The following ACSL3 variants were observed in gnomAD, a reference collection of about 807,000 sequenced individuals.
ACSL3 encodes the protein acyl-CoA synthetase long chain family member 3, also known as fatty acid CoA ligase Acsl3.
ACSL3 carries 34 observed loss-of-function variants against 84.7 expected under a neutral mutation model. The ratio of observed to expected loss-of-function variants is 0.40; its 90% CI spans 0.31 to 0.53. The LOEUF is 0.53. Ranked by LOEUF, ACSL3 falls within the 20% of genes least tolerant of loss-of-function variation. ACSL3 has a pLI of 0.48. For synonymous variants in ACSL3, 315 were observed against 299.4 expected, an observed-to-expected ratio of 1.05 and a Z score of -0.54; for missense variants, 680 against 873.1, an observed-to-expected ratio of 0.78 and a Z score of 2.79.
At chr2:222,919,277 A>T in intron 7 of ACSL3, 75 bp downstream of exon 7, 2 of 1,552,156 alleles carry the variant, frequency 1.3e-6, no homozygotes, top group Non-Finnish European at 1.7e-6. Context: ...CAAAGTTTTG[A>T]TTCTGAGGTT....
chr2:222,882,978 A>C (rs1695628568), intron 1 of ACSL3, among the ~76,000 whole-genome samples: 1 of 96,240 alleles, frequency 1.0e-5, no homozygotes, highest in African/African-American at 4.2e-5. Flanking sequence ...TGTGTTAGCC[A>C]GGATGGGCTC....
chr2:222,911,960 G>C (rs1559293246), intron 4 of ACSL3, among the ~76,000 whole-genome samples: 1 of 152,186 alleles, frequency 6.6e-6, no homozygotes, highest in African/African-American at 2.4e-5. Flanking sequence ...TATTTAGTTA[G>C]TAAAAGGAGG....
chr2:222,874,685 A>T (rs72955325), intron 1 of ACSL3, among the ~76,000 whole-genome samples: 13,300 of 152,158 alleles, frequency 0.087, 704 homozygotes, highest in Non-Finnish European at 0.12. Context: ...AAAAAAAAAA[A>T]AATTAGCAAC....
At chr2:222,873,014 T>C (rs1467809552) in intron 1 of ACSL3, among the ~76,000 whole-genome samples, 1 of 152,170 alleles carries the variant, frequency 6.6e-6, no homozygotes, top group Non-Finnish European at 1.5e-5. Flanking sequence ...GAGAGTAGAC[T>C]GGGAAGATGA....
intron 14 of ACSL3, among the ~76,000 whole-genome samples, chr2:222,932,469 C>T (rs531019155): frequency 2.0e-5 from 3 of 152,242 alleles, no homozygotes; most frequent in East Asian, 3.9e-4. Flanking sequence ...GCTGGGATTA[C>T]AGGTGTGCAC....
chr2:222,939,431 T>C (rs895692755), intron 16 of ACSL3, among the ~76,000 whole-genome samples: 3 of 152,192 alleles, frequency 2.0e-5, no homozygotes, highest in Admixed American at 6.5e-5. Flanking sequence ...TCACTGGTGC[T>C]GTAGTTGGCC....
In ACSL3 at chr2:222,941,680, T is replaced by A; in HGVS notation, c.*26T>A. On this transcript the variant is annotated 3_prime_UTR_variant, in exon 17 of 17. Transcript: ENST00000357430. ...TTATTCTCTTCTGGCATCAGTTTGC[T>A]ACAGTGAGCTCAGATCAAATAGGAA... is the stretch of plus-strand genomic sequence containing the variant. The A allele has an allele frequency of 6.2e-7, 1 of 1,602,548 alleles. No homozygotes were observed. Among genetic ancestry groups the A allele is most frequent in the South Asian group, 1.1e-5 (1 of 90,340 alleles).
At chr2:222,894,901 T>G (rs940838816) in intron 2 of ACSL3, among the ~76,000 whole-genome samples, 14 of 152,136 alleles carry the variant, frequency 9.2e-5, no homozygotes, top group African/African-American at 3.4e-4. Context: ...TATTTTTGGT[T>G]TTTTGCCACT....
At chr2:222,881,480 A>G (rs1695589909) in intron 1 of ACSL3, among the ~76,000 whole-genome samples, 1 of 152,242 alleles carries the variant, frequency 6.6e-6, no homozygotes, top group African/African-American at 2.4e-5. Flanking sequence ...TTGTTTCTGA[A>G]TAAGATGTTC....
chr2:222,927,535 CT>C (rs948501853), intron 12 of ACSL3, among the ~76,000 whole-genome samples: 1 of 152,050 alleles, frequency 6.6e-6, no homozygotes, highest in African/African-American at 2.4e-5. Context: ...ACTTAAGGTG[CT>C]TTTGTTTATT....
At chr2:222,921,030 T>C in intron 7 of ACSL3, 2 of 594,088 alleles carry the variant, frequency 3.4e-6, no homozygotes, top group Non-Finnish European at 3.3e-6. Flanking sequence ...GCATCTATTG[T>C]CATCTTCTCA....
At chr2:222,931,153 G>A (rs934863971) in intron 14 of ACSL3, among the ~76,000 whole-genome samples, 9 of 152,022 alleles carry the variant, frequency 5.9e-5, no homozygotes, top group Non-Finnish European at 1.2e-4. Flanking sequence ...CAGGAGAATA[G>A]AGGAAAGCCA....
At chr2:222,871,850 C>G (rs967541395) in intron 1 of ACSL3, among the ~76,000 whole-genome samples, 1 of 152,102 alleles carries the variant, frequency 6.6e-6, no homozygotes, top group South Asian at 2.1e-4. Flanking sequence ...AATTAGTTTT[C>G]TAATGATAGG....
rs1696978981 is a variant in ACSL3 at position 222,929,922 on chromosome 2, A to G, written c.1541-699A>G. On this transcript the variant is annotated intron_variant, in intron 13 of 16. Transcript: ENST00000357430. ...AATAAATCTTAATATGTAGTAACTCACTTTTTTTTTTTTTTTTTTTTTGAC... is the reference window on the plus strand; with the variant it reads ...AATAAATCTTAATATGTAGTAACTCGCTTTTTTTTTTTTTTTTTTTTTGAC... Among the ~76,000 whole-genome samples the G allele has an allele frequency of 1.8e-4, 21 of 113,802 alleles. No homozygotes were observed. The Admixed American group carries it at 2.3e-3, about 13-fold the overall frequency. The allele number at this position is 113,802 out of a possible 152,430, so 74.7% of individuals were successfully genotyped here. A position where few individuals can be genotyped will look rare whatever the true frequency, so the allele number is the denominator to read the frequency against.
In ACSL3 at chr2:222,941,576, A is replaced by G. The variant is rs1427507555; in HGVS notation, c.2085A>G (p.Thr695=). 1 of 1,613,540 alleles carries G rather than the reference A, an allele frequency of 6.2e-7. No individual in the cohort carries two copies. Among genetic ancestry groups the G allele is most frequent in the Non-Finnish European group, 8.5e-7 (1 of 1,179,850 alleles). The part of the protein sequence containing the change: ...EPWTPETGLV[T]DAFKLKRKEL... The stretch of plus-strand genomic sequence containing the variant: ...GGACCCCTGAAACTGGTCTGGTGAC[A>G]GATGCCTTCAAGCTGAAACGCAAAG... Residue 695 remains threonine, a synonymous_variant, in exon 17 of 17, where the codon ACA becomes ACG. Coordinates refer to ENST00000357430, the MANE Select transcript of ACSL3 (RefSeq NM_004457.5).
intron 14 of ACSL3, among the ~76,000 whole-genome samples, chr2:222,931,740 C>G (rs1380391878): frequency 6.6e-6 from 1 of 152,200 alleles, no homozygotes; most frequent in Non-Finnish European, 1.5e-5. Flanking sequence ...CCTAGAAGCT[C>G]AGTTCAGGGT....
Position 222,943,262 on chromosome 2 carries a change from G to C in ACSL3, c.*1608G>C. On this transcript the variant is annotated 3_prime_UTR_variant, in exon 17 of 17. Coordinates refer to ENST00000357430, the MANE Select transcript of ACSL3 (RefSeq NM_004457.5). ...TCAACTTTTCTTGTATTGTATATTT[G>C]TATTATGTTTTGAATGCTTTTCTCT... 4.9e-6 allele frequency: 1 copy of C among 204,922 alleles called. No individual in the cohort carries two copies. The highest frequency in any genetic ancestry group is 1.0e-5 in the Non-Finnish European group (1 of 100,470). The allele number at this position is 204,922 out of a possible 1,614,324, so 12.7% of individuals were successfully genotyped here. A position where few individuals can be genotyped will look rare whatever the true frequency, so the allele number is the denominator to read the frequency against.
chr2:222,927,316 C>A, intron 12 of ACSL3, 127 bp downstream of exon 12: 1 of 903,626 alleles, frequency 1.1e-6, no homozygotes, highest in Non-Finnish European at 1.6e-6. Flanking sequence ...TGGTGGATTC[C>A]AAGTACTATG....
intron 11 of ACSL3, 63 bp from the exon 12 acceptor site, chr2:222,926,954 T>A (rs1696896489): frequency 6.5e-7 from 1 of 1,550,286 alleles, no homozygotes; most frequent in Admixed American, 1.8e-5. Flanking sequence ...GGGATTAGTT[T>A]AAGTGATTTG....
Sources: gnomAD v4.1 joint callset for allele counts (sites outside exome capture counted in the v4.1 genomes callset) on GRCh38, gnomAD v4.1.1 for gene constraint, MANE v1.5 for transcripts, NCBI Gene and HGNC (gene_info 2026-07-23, HGNC 2026-07-21) for gene names.